Variants in TRRAP observed in about 807,000 individuals in gnomAD.
The protein encoded by TRRAP is transformation/transcription domain-associated protein.
Under a neutral mutation model 438.8 loss-of-function variants are expected in TRRAP, and 41 were observed. The observed-to-expected ratio is 0.09, with a 90% CI of 0.07 to 0.12. The LOEUF is 0.12. Ranked by LOEUF, TRRAP falls within the 10% of genes least tolerant of loss-of-function variation. The pLI, the probability that TRRAP is intolerant of heterozygous loss-of-function variation, is 1.00. For missense variants in TRRAP, 3,122 were observed against 5,055.1 expected, an observed-to-expected ratio of 0.62 and a Z score of 11.60; for synonymous variants, 1,994 against 1,962.9, an observed-to-expected ratio of 1.02 and a Z score of -0.42.
intron 59 of TRRAP, 120 bp from the exon 60 acceptor site, chr7:98,983,144 C>T: frequency 2.1e-6 from 2 of 949,886 alleles, no homozygotes; most frequent in East Asian, 2.7e-5. Context: ...AGAGTGCTTC[C>T]TTTGGTAATT....
At chr7:98,886,406 A>G (rs998560481) in intron 3 of TRRAP, among the ~76,000 whole-genome samples, 1 of 152,034 alleles carries the variant, frequency 6.6e-6, no homozygotes, top group African/African-American at 2.4e-5. Context: ...AGATATAGAT[A>G]TCTAGAGAGA....
chr7:98,954,282 A>G (rs868981265), intron 40 of TRRAP, among the ~76,000 whole-genome samples: 3 of 152,234 alleles, frequency 2.0e-5, no homozygotes. Flanking sequence ...CACACGGTCC[A>G]TGCCCTTTGG....
intron 45 of TRRAP, 22 bp from the exon 46 acceptor site, chr7:98,961,239 T>C (rs1334489314): frequency 6.2e-7 from 1 of 1,609,732 alleles, no homozygotes; most frequent in Admixed American, 1.7e-5. Flanking sequence ...CCTCTGTGAG[T>C]GGCCTGTGTT....
At chr7:98,992,072 C>T in intron 64 of TRRAP, 65 bp from the exon 65 acceptor site, 1 of 1,561,448 alleles carries the variant, frequency 6.4e-7, no homozygotes, top group Non-Finnish European at 8.8e-7. Flanking sequence ...ATTTTCAGTA[C>T]AAATTATCTT....
At chr7:98,967,354 C>T (rs536380507) in intron 50 of TRRAP, 131 bp from the exon 51 acceptor site, 31 of 1,272,342 alleles carry the variant, frequency 2.4e-5, no homozygotes, top group Admixed American at 1.7e-4. Context: ...GAGCCTGCCA[C>T]GATTTATAAC....
chr7:98,957,749 T>C (rs920911028), intron 43 of TRRAP, among the ~76,000 whole-genome samples: 3 of 152,186 alleles, frequency 2.0e-5, no homozygotes, highest in Non-Finnish European at 4.4e-5. Context: ...GGCCTCGCAC[T>C]TTTGTTCCCC....
intron 46 of TRRAP, 25 bp downstream of exon 46, chr7:98,961,499 T>G: frequency 6.2e-7 from 1 of 1,608,882 alleles, no homozygotes; most frequent in Non-Finnish European, 8.5e-7. Flanking sequence ...CCACCGGTGC[T>G]TTTCTTTCAA....
At chr7:98,973,364 C>A (rs917499711) in intron 53 of TRRAP, among the ~76,000 whole-genome samples, 6 of 152,208 alleles carry the variant, frequency 3.9e-5, no homozygotes, top group Non-Finnish European at 8.8e-5. Flanking sequence ...CACCATGACA[C>A]ATCACCACGT....
Position 98,897,619 on chromosome 7 carries a change from G to A in TRRAP, c.508-122G>A, listed in dbSNP as rs541860921. 1.2e-5 allele frequency: 15 copies of A among 1,291,628 alleles called. No homozygotes were observed. The South Asian group carries it at 2.1e-4, about 18-fold the overall frequency. The allele number at this position is 1,291,628 out of a possible 1,614,324, so 80.0% of individuals were successfully genotyped here. On this transcript the variant is annotated intron_variant, in intron 7 of 72. Coordinates refer to ENST00000456197, the MANE Select transcript of TRRAP (RefSeq NM_001375524.1). ...GGAGTTGGTGCAGCATAAAAATGTAGAACATACTGTTTTTTTCCACCAAAG... is the reference window on the plus strand; with the variant it reads ...GGAGTTGGTGCAGCATAAAAATGTAAAACATACTGTTTTTTTCCACCAAAG...
chr7:98,885,320 G>C (rs562363888), intron 3 of TRRAP, among the ~76,000 whole-genome samples: 1 of 151,826 alleles, frequency 6.6e-6, no homozygotes, highest in Non-Finnish European at 1.5e-5. Flanking sequence ...GGGCTCAAGC[G>C]ATCCTCCTGC....
At chr7:98,924,700 A>AAG (rs1192313823) in intron 21 of TRRAP, among the ~76,000 whole-genome samples, 12 of 150,038 alleles carry the variant, frequency 8.0e-5, no homozygotes, top group Non-Finnish European at 1.5e-4. Context: ...AAAAAAAAAA[A>AAG]AAAAAAGGTT....
At chr7:98,979,901 A>C (rs1310104998) in intron 58 of TRRAP, among the ~76,000 whole-genome samples, 1 of 152,156 alleles carries the variant, frequency 6.6e-6, no homozygotes, top group Non-Finnish European at 1.5e-5. Context: ...TGTGCTTCCT[A>C]GGGTAGTTTC....
At chr7:98,911,477 G>C (rs1410593344) in intron 17 of TRRAP, among the ~76,000 whole-genome samples, 2 of 152,134 alleles carry the variant, frequency 1.3e-5, no homozygotes, top group Non-Finnish European at 2.9e-5. Flanking sequence ...TTCGTTAGTA[G>C]AAATAAATAT....
intron 51 of TRRAP, among the ~76,000 whole-genome samples, chr7:98,968,361 G>A (rs1307458941): frequency 4.6e-5 from 7 of 152,200 alleles, no homozygotes; most frequent in Admixed American, 2.6e-4. Context: ...CCGGGCCAGG[G>A]CCTGACCACG....
chr7:98,991,590 C>G (rs1445148241), intron 64 of TRRAP, among the ~76,000 whole-genome samples: 3 of 152,216 alleles, frequency 2.0e-5, no homozygotes, highest in Non-Finnish European at 4.4e-5. Context: ...CTTTCATGGG[C>G]ACATTCTGAA....
In TRRAP at chr7:98,948,959, C is replaced by A. The variant is rs1791205567; in HGVS notation, c.4788+274C>A. Among the ~76,000 whole-genome samples the A allele has an allele frequency of 1.3e-5, 2 of 152,110 alleles. No individual in the cohort carries two copies. Among genetic ancestry groups the A allele is most frequent in the Admixed American group, 1.3e-4 (2 of 15,270 alleles). ...TATGATTATTATTTAAAAGTATTTT[C>A]TAAGGGCCCACACCTGTAATCCCAG... On this transcript the variant is annotated intron_variant, in intron 35 of 72. Coordinates refer to ENST00000456197, the MANE Select transcript of TRRAP (RefSeq NM_001375524.1). This position sits in a 1 kb window ranked among gnomAD's most constrained non-coding sequence, Gnocchi z 4.9.
chr7:98,897,675 T>TC, intron 7 of TRRAP, 66 bp from the exon 8 acceptor site: 2 of 1,434,804 alleles, frequency 1.4e-6, no homozygotes, highest in Non-Finnish European at 1.8e-6. Flanking sequence ...TGTTTTGTTT[T>TC]GTTTTGTTTT....
At chr7:98,996,154 A>C (rs547528682) in intron 67 of TRRAP, among the ~76,000 whole-genome samples, 47 of 151,216 alleles carry the variant, frequency 3.1e-4, no homozygotes, top group Middle Eastern at 3.4e-3. Flanking sequence ...CCTACATCCC[A>C]TTTACACACG....
chr7:98,967,435 T>C (rs1422768840), intron 50 of TRRAP, 50 bp from the exon 51 acceptor site: 1 of 1,584,876 alleles, frequency 6.3e-7, no homozygotes, highest in Non-Finnish European at 8.6e-7. Flanking sequence ...CTTGTTTGCA[T>C]ATGACTTGGG....
Sources: gnomAD v4.1 joint callset for allele counts (sites outside exome capture counted in the v4.1 genomes callset) on GRCh38, gnomAD v4.1.1 for gene constraint, Gnocchi (gnomAD v3.1) non-coding constraint, MANE v1.5 for transcripts, NCBI Gene and HGNC (gene_info 2026-07-23, HGNC 2026-07-21) for gene names.